Variants in ADAMTS12 observed in about 807,000 individuals in gnomAD.
The protein encoded by ADAMTS12 is ADAM metallopeptidase with thrombospondin type 1 motif 12.
ADAMTS12 carries 118 observed loss-of-function variants against 167.8 expected under a neutral mutation model. The ratio of observed to expected loss-of-function variants is 0.70; its 90% CI spans 0.61 to 0.82. The LOEUF (loss-of-function observed/expected upper bound fraction) is 0.82. Among genes scored for constraint, ADAMTS12 ranks in the 40% least tolerant of loss-of-function variants. The pLI, the probability that ADAMTS12 is intolerant of heterozygous loss-of-function variation, is 0.00. For missense variants in ADAMTS12, 1,916 were observed against 1,998.8 expected (o/e 0.96, Z 0.79); for synonymous variants, 704 against 716.9 (o/e 0.98, Z 0.29).
chr5:33,634,393 G>A (rs1157514555), intron 12 of ADAMTS12, among the ~76,000 whole-genome samples: 7 of 152,030 alleles, frequency 4.6e-5, no homozygotes, highest in African/African-American at 1.2e-4. Flanking sequence ...ACGGGAAGGC[G>A]GTGTGCACAT....
chr5:33,528,410 C>A (rs1743924322), intron 23 of ADAMTS12, among the ~76,000 whole-genome samples: 1 of 152,040 alleles, frequency 6.6e-6, no homozygotes, highest in Admixed American at 6.5e-5. Context: ...CTTTGGTACC[C>A]CCAAAACTAT....
intron 2 of ADAMTS12, among the ~76,000 whole-genome samples, chr5:33,754,723 G>T (rs907045593): frequency 1.3e-5 from 2 of 152,128 alleles, no homozygotes; most frequent in African/African-American, 2.4e-5. Flanking sequence ...AGGTGTGGTG[G>T]CACGTGCCTG....
rs146740450 is a variant in ADAMTS12 at position 33,730,082 on chromosome 5, A to T, written c.634+21322T>A. On this transcript the variant is annotated intron_variant, in intron 3 of 23. Coordinates refer to ENST00000504830, the MANE Select transcript of ADAMTS12 (RefSeq NM_030955.4). ...TCTTTCTTCCACCCTGAGGCTCTTG[A>T]CGAAGTCCTTCACTACCCACCCACG... 3.2e-3 allele frequency among the ~76,000 whole-genome samples: 490 copies of T among 152,312 alleles called. 3 individuals carry two copies. Among genetic ancestry groups the T allele is most frequent in the African/African-American group, 0.011 (474 of 41,564 alleles).
At chr5:33,621,705 C>T (rs1739338580) in intron 14 of ADAMTS12, among the ~76,000 whole-genome samples, 1 of 152,182 alleles carries the variant, frequency 6.6e-6, no homozygotes, top group Non-Finnish European at 1.5e-5. Flanking sequence ...ATGCTCACTG[C>T]AGGCCAATAT....
At position 33,546,124 on chromosome 5, in the gene ADAMTS12, G is replaced by A. The variant is rs760505608; in HGVS notation, c.4381C>T (p.Pro1461Ser). 2 of 1,613,888 alleles carry A rather than the reference G, an allele frequency of 1.2e-6. No individual in the cohort carries two copies. The highest frequency in any genetic ancestry group is 1.7e-6 in the Non-Finnish European group (2 of 1,179,994). ...PGGLCDWTKR[P>S]TSTMSCNEHL... ...TCATTGCAAGACATGGTGGATGTGG[G>A]TCTTTTTGTCCAATCACAGAGGCCT... is the stretch of plus-strand genomic sequence containing the variant. The change falls in exon 22 of 24, where the codon CCC becomes TCC. Residue 1461 changes from proline to serine, a missense_variant. Transcript: ENST00000504830.
intron 3 of ADAMTS12, among the ~76,000 whole-genome samples, chr5:33,741,600 C>T (rs893351443): frequency 4.6e-5 from 7 of 152,202 alleles, no homozygotes; most frequent in East Asian, 1.9e-4. Flanking sequence ...CCAGTAGAAG[C>T]GATCTTGGAA....
intron 2 of ADAMTS12, among the ~76,000 whole-genome samples, chr5:33,862,609 G>C (rs1033055276): frequency 2.0e-5 from 3 of 152,124 alleles, no homozygotes; most frequent in African/African-American, 7.2e-5. Flanking sequence ...AATTCTACCA[G>C]AGGCACAAAG....
intron 2 of ADAMTS12, among the ~76,000 whole-genome samples, chr5:33,867,819 T>C (rs1290499454): frequency 6.6e-6 from 1 of 152,158 alleles, no homozygotes. Context: ...TAATATTAAG[T>C]TTGATATGGT....
rs143770668 is a variant in ADAMTS12, at chr5:33,861,603, A to G, written c.489+19516T>C. Among the ~76,000 whole-genome samples the G allele has an allele frequency of 2.2e-4, 34 of 152,328 alleles. 1 individual carries two copies. In the East Asian group the frequency reaches 6.6e-3, roughly 29 times the overall value. On this transcript the variant is annotated intron_variant, in intron 2 of 23. Coordinates refer to ENST00000504830, the MANE Select transcript of ADAMTS12 (RefSeq NM_030955.4). ...GGGAGACTTTAACACCCCACTGTCA[A>G]TATGAGACAGATCAATGAGACAGAA...
intron 2 of ADAMTS12, among the ~76,000 whole-genome samples, chr5:33,769,153 T>C (rs1302734868): frequency 6.6e-6 from 1 of 151,808 alleles, no homozygotes; most frequent in African/African-American, 2.4e-5. Context: ...CTCCAGAAGC[T>C]GGAAAAGCCG....
intron 2 of ADAMTS12, among the ~76,000 whole-genome samples, chr5:33,842,094 C>A (rs879386801): frequency 6.6e-6 from 1 of 152,176 alleles, no homozygotes; most frequent in African/African-American, 2.4e-5. Flanking sequence ...TCTCCTTAAC[C>A]ATCTCTCAGC....
intron 2 of ADAMTS12, among the ~76,000 whole-genome samples, chr5:33,849,446 A>G (rs1749114471): frequency 7.0e-6 from 1 of 143,858 alleles, no homozygotes; most frequent in Admixed American, 7.1e-5. Context: ...CAATATATAT[A>G]TGTATTGCAC....
At chr5:33,674,412 G>T (rs1241710252) in intron 5 of ADAMTS12, among the ~76,000 whole-genome samples, 1 of 152,256 alleles carries the variant, frequency 6.6e-6, no homozygotes, top group East Asian at 1.9e-4. Flanking sequence ...CAAAGATATA[G>T]GTTTTGTTCC....
chr5:33,737,416 C>T (rs1744412809), intron 3 of ADAMTS12, among the ~76,000 whole-genome samples: 1 of 152,000 alleles, frequency 6.6e-6, no homozygotes, highest in Admixed American at 6.5e-5. Context: ...TTGCCAGGGG[C>T]TGGGGAAAGG....
rs769597581 is a variant in ADAMTS12, at chr5:33,683,107, G to A, written c.832-6C>T. The A allele has an allele frequency of 5.0e-6, 8 of 1,607,124 alleles. No individual in the cohort carries two copies. The African/African-American group carries it at 1.1e-4, about 22-fold the overall frequency. On this transcript the variant is annotated splice_region_variant and splice_polypyrimidine_tract_variant and intron_variant, in intron 4 of 23. Coordinates refer to ENST00000504830, the MANE Select transcript of ADAMTS12 (RefSeq NM_030955.4). ...TTATGGAACAACCCAGTGACCTAGG[G>A]TCAGAAATAGAAAACCATTAGCTCC...
At chr5:33,827,406 A>AG (rs879576393) in intron 2 of ADAMTS12, among the ~76,000 whole-genome samples, 2 of 152,096 alleles carry the variant, frequency 1.3e-5, no homozygotes, top group Admixed American at 6.6e-5. Flanking sequence ...CAGTCTCTAG[A>AG]GAACTCAGCC....
intron 3 of ADAMTS12, among the ~76,000 whole-genome samples, chr5:33,697,296 T>C (rs1742816813): frequency 3.3e-5 from 5 of 152,088 alleles, no homozygotes; most frequent in Admixed American, 3.3e-4. Flanking sequence ...AGAAACAGAA[T>C]CACACAAATG....
chr5:33,779,512 T>C (rs1244474262), intron 2 of ADAMTS12, among the ~76,000 whole-genome samples: 3 of 152,160 alleles, frequency 2.0e-5, no homozygotes, highest in Non-Finnish European at 4.4e-5. Flanking sequence ...AAGAGATGTC[T>C]GAACTCCTAT....
rs753256615 is a variant in ADAMTS12, at chr5:33,835,943, CTCTCTCTCTCTGTG to C, written c.489+45162_489+45175del. On this transcript the variant is annotated intron_variant, in intron 2 of 23. Transcript: ENST00000504830. ...TCTCTCTCTCTCTCTCTCTCTCTCT[CTCTCTCTCTCTGTG>C]TGTGTGTGTGTGTCCATCTGGGCAG... Among the ~76,000 whole-genome samples, 57 of 46,754 alleles carry C rather than the reference CTCTCTCTCTCTGTG, an allele frequency of 1.2e-3. 1 individual carries two copies. Among genetic ancestry groups the C allele is most frequent in the Admixed American group, 9.4e-3 (29 of 3,086 alleles). 30.7% of individuals were successfully genotyped at this position (46,754 alleles called of 152,430 possible).
Sources: gnomAD v4.1 joint callset for allele counts (sites outside exome capture counted in the v4.1 genomes callset) on GRCh38, gnomAD v4.1.1 for gene constraint, MANE v1.5 for transcripts, NCBI Gene and HGNC (gene_info 2026-07-23, HGNC 2026-07-21) for gene names.